The following EMX1 variants were observed in gnomAD, a reference collection of about 807,000 sequenced individuals.
EMX1 encodes empty spiracles homeobox 1.
A neutral mutation model predicts 20.1 loss-of-function variants in EMX1; 10 were observed. That is an observed-to-expected ratio of 0.50 (90% CI 0.31 to 0.84). The LOEUF is 0.84. Ranked by LOEUF, EMX1 falls within the 40% of genes least tolerant of loss-of-function variation. The pLI is 0.05. For missense variants in EMX1, 424 were observed against 431.9 expected (o/e 0.98, Z 0.16); for synonymous variants, 250 against 200.4 (o/e 1.25, Z -2.09).
intron 2 of EMX1, among the ~76,000 whole-genome samples, chr2:72,925,146 A>G (rs780770297): frequency 1.3e-5 from 2 of 152,194 alleles, no homozygotes; most frequent in Non-Finnish European, 2.9e-5. Context: ...CGCGCAGAGC[A>G]TCTGAGTGGC....
chr2:72,919,504 A>G (rs10174156), intron 1 of EMX1, among the ~76,000 whole-genome samples: 4,238 of 152,272 alleles, frequency 0.028, 212 homozygotes, highest in African/African-American at 0.097. Flanking sequence ...TCCAGGAGCT[A>G]ATGTGACGGT....
intron 2 of EMX1, among the ~76,000 whole-genome samples, chr2:72,924,719 G>A (rs1671165321): frequency 6.6e-6 from 1 of 152,224 alleles, no homozygotes; most frequent in South Asian, 2.1e-4. Context: ...TAAAGACCTA[G>A]CAGGAGGCAG....
At position 72,917,711 on chromosome 2, in the gene EMX1, A is replaced by G; in HGVS notation, c.-142A>G. 1 of 794,054 alleles carries G rather than the reference A, an allele frequency of 1.3e-6. No homozygotes were observed. The highest frequency in any genetic ancestry group is 1.6e-6 in the Non-Finnish European group (1 of 610,198). 49.2% of individuals were successfully genotyped at this position (794,054 alleles called of 1,614,324 possible). A position where few individuals can be genotyped will look rare whatever the true frequency, so the allele number is the denominator to read the frequency against. ...CTGGAGCTGCCCGCTCCGCCGCAGC[A>G]GCCGCCGCGCCTGGCCGTACGCTGT... On this transcript the variant is annotated 5_prime_UTR_variant, in exon 1 of 3. Coordinates refer to ENST00000258106, the MANE Select transcript of EMX1 (RefSeq NM_004097.3).
At position 72,933,964 on chromosome 2, in the gene EMX1, C is replaced by A. The variant is rs774433685; in HGVS notation, c.*10C>A. On this transcript the variant is annotated 3_prime_UTR_variant, in exon 3 of 3. Transcript: ENST00000258106. ...CACCTCCAATGACTAGGGTGGGCAA[C>A]CACAAACCCACGAGGGCAGAGTGCT... 6 of 1,614,048 alleles carry A rather than the reference C, an allele frequency of 3.7e-6. No homozygotes were observed. In the African/African-American group the frequency reaches 8.0e-5, roughly 22 times the overall value.
chr2:72,917,892 C>T lies in EMX1; in HGVS notation c.40C>T (p.Pro14Ser). 1.4e-6 allele frequency: 2 copies of T among 1,480,312 alleles called. No homozygotes were observed. Among genetic ancestry groups the T allele is most frequent in the Non-Finnish European group, 1.8e-6 (2 of 1,123,068 alleles). The allele number at this position is 1,480,312 out of a possible 1,614,324, so 91.7% of individuals were successfully genotyped here. A position where few individuals can be genotyped will look rare whatever the true frequency, so the allele number is the denominator to read the frequency against. The change falls in exon 1 of 3, where the codon CCA becomes TCA. Residue 14 changes from proline (P) to serine (S), a missense_variant. This residue lies in a region of EMX1 where 333 missense variants were observed against 296.6 expected (regional missense o/e 1.12). Coordinates refer to ENST00000258106, the MANE Select transcript of EMX1 (RefSeq NM_004097.3). ...GTGCACACCCCGCAAGGCGGCGGCGCCAGGACGCGGAGCGCTCCCCAGAGC... is the reference window on the plus strand; with the variant it reads ...GTGCACACCCCGCAAGGCGGCGGCGTCAGGACGCGGAGCGCTCCCCAGAGC... ...AGCTPRKAAA[P>S]GRGALPRARL...
intron 2 of EMX1, among the ~76,000 whole-genome samples, chr2:72,928,098 CTG>C (rs766180335): frequency 7.2e-5 from 11 of 152,332 alleles, no homozygotes; most frequent in Non-Finnish European, 1.3e-4. Context: ...CTGGGTGACT[CTG>C]TGTGTTTAGT....
intron 2 of EMX1, among the ~76,000 whole-genome samples, chr2:72,928,809 G>T (rs193181129): frequency 1.3e-5 from 2 of 152,344 alleles, no homozygotes; most frequent in East Asian, 3.9e-4. Flanking sequence ...GGGCTGAGGG[G>T]TGTCAGGATA....
intron 2 of EMX1, among the ~76,000 whole-genome samples, chr2:72,926,793 T>A (rs1049920939): frequency 6.6e-6 from 1 of 152,240 alleles, no homozygotes; most frequent in Non-Finnish European, 1.5e-5. Flanking sequence ...GTGTGTCCTC[T>A]TAGTCCAGCG....
intron 2 of EMX1, 82 bp downstream of exon 2, chr2:72,924,575 G>A: frequency 7.0e-7 from 1 of 1,420,536 alleles, no homozygotes; most frequent in Non-Finnish European, 9.3e-7. Flanking sequence ...GAGGCCCTGA[G>A]CCCGCCCCAG....
intron 1 of EMX1, chr2:72,923,475 G>C (rs1671136845): frequency 6.6e-6 from 1 of 152,232 alleles, no homozygotes; most frequent in Non-Finnish European, 1.5e-5. Flanking sequence ...TCTCCAGTGT[G>C]TGTGTTGGGA....
intron 1 of EMX1, among the ~76,000 whole-genome samples, chr2:72,918,784 C>G (rs1435637618): frequency 6.6e-6 from 1 of 152,234 alleles, no homozygotes; most frequent in Non-Finnish European, 1.5e-5. Flanking sequence ...CCACCACCTC[C>G]GAGACCTCAG....
At chr2:72,921,322 T>C (rs564248839) in intron 1 of EMX1, among the ~76,000 whole-genome samples, 1 of 152,202 alleles carries the variant, frequency 6.6e-6, no homozygotes, top group Non-Finnish European at 1.5e-5. Flanking sequence ...CTTTGCTAAC[T>C]GTCCTAGTCC....
chr2:72,917,050 G>A (rs1302787469), upstream of EMX1: 7 of 663,994 alleles, frequency 1.1e-5, 1 homozygote, highest in South Asian at 1.2e-4. Context: ...CCGCGGCCCA[G>A]GAGGCCGATG....
chr2:72,925,870 C>T (rs945367692), intron 2 of EMX1: 4 of 985,280 alleles, frequency 4.1e-6, no homozygotes, highest in African/African-American at 1.7e-5. Context: ...AGGCAGGACC[C>T]GTGCGTTTTC....
At chr2:72,929,387 A>G (rs1276881750) in intron 2 of EMX1, among the ~76,000 whole-genome samples, 1 of 152,130 alleles carries the variant, frequency 6.6e-6, no homozygotes, top group African/African-American at 2.4e-5. Flanking sequence ...TAGGGAGATC[A>G]TGGTTATGGT....
chr2:72,918,785 G>A (rs1671045641), intron 1 of EMX1, among the ~76,000 whole-genome samples: 1 of 152,218 alleles, frequency 6.6e-6, no homozygotes, highest in African/African-American at 2.4e-5. Flanking sequence ...CACCACCTCC[G>A]AGACCTCAGC....
At chr2:72,929,756 G>A (rs183487847) in intron 2 of EMX1, among the ~76,000 whole-genome samples, 2 of 152,316 alleles carry the variant, frequency 1.3e-5, no homozygotes, top group African/African-American at 4.8e-5. Flanking sequence ...AATATCGGCT[G>A]GAGCCATAGT....
chr2:72,930,944 G>A lies in EMX1; in HGVS notation c.706-2843G>A, dbSNP rs1440502803. Among the ~76,000 whole-genome samples the A allele has an allele frequency of 1.4e-5, 2 of 147,668 alleles. No individual in the cohort carries two copies. Among genetic ancestry groups the A allele is most frequent in the Non-Finnish European group, 3.0e-5 (2 of 66,436 alleles). On this transcript the variant is annotated intron_variant, in intron 2 of 2. Coordinates refer to ENST00000258106, the MANE Select transcript of EMX1 (RefSeq NM_004097.3). The surrounding 1 kb of genome is among the most constrained non-coding windows in gnomAD (Gnocchi z 4.4). The stretch of plus-strand genomic sequence containing the variant: ...CGTGTGTAGATTTTGTTTTTCTATG[G>A]TTGTGATCACACTGTGCCAGCCTTG...
At chr2:72,929,613 T>C (rs1334564243) in intron 2 of EMX1, among the ~76,000 whole-genome samples, 2 of 152,234 alleles carry the variant, frequency 1.3e-5, no homozygotes, top group Non-Finnish European at 2.9e-5. Flanking sequence ...ACAGGACACG[T>C]ATTCACCTGA....
Sources: gnomAD v4.1 joint callset for allele counts (sites outside exome capture counted in the v4.1 genomes callset) on GRCh38, gnomAD v4.1.1 for gene constraint, gnomAD v4.1.1 regional missense constraint, Gnocchi (gnomAD v3.1) non-coding constraint, MANE v1.5 for transcripts, NCBI Gene and HGNC (gene_info 2026-07-23, HGNC 2026-07-21) for gene names.